The following SNTB1 variants were observed in gnomAD, a reference collection of about 807,000 sequenced individuals.
The protein encoded by SNTB1 is beta-1-syntrophin.
In SNTB1, 36 loss-of-function variants were observed where a neutral mutation model predicts 48.9. The ratio of observed to expected loss-of-function variants is 0.74; its 90% CI spans 0.56 to 0.97. The LOEUF is 0.97. SNTB1 is among the 50% of genes least tolerant of loss of function. The pLI is 0.00. For synonymous variants in SNTB1, 299 were observed against 294.6 expected, an observed-to-expected ratio of 1.01 and a Z score of -0.15; for missense variants, 786 against 703.4, an observed-to-expected ratio of 1.12 and a Z score of -1.33.
At chr8:120,750,613 C>T (rs1819196917) in intron 1 of SNTB1, among the ~76,000 whole-genome samples, 1 of 152,082 alleles carries the variant, frequency 6.6e-6, no homozygotes, top group African/African-American at 2.4e-5. Context: ...GAGAAAGATG[C>T]TGCCGAAAAG....
At chr8:120,754,924 A>G (rs1045128620) in intron 1 of SNTB1, among the ~76,000 whole-genome samples, 1 of 152,208 alleles carries the variant, frequency 6.6e-6, no homozygotes, top group Non-Finnish European at 1.5e-5. Context: ...CAAGATTATG[A>G]GTCAGCAGGA....
At chr8:120,624,013 C>A (rs1407603577) in intron 3 of SNTB1, among the ~76,000 whole-genome samples, 11 of 152,210 alleles carry the variant, frequency 7.2e-5, no homozygotes, top group Admixed American at 7.2e-4. Flanking sequence ...TCTTGGCTCA[C>A]TGCAACCTCT....
At chr8:120,683,448 G>A (rs1817971939) in intron 2 of SNTB1, among the ~76,000 whole-genome samples, 1 of 151,950 alleles carries the variant, frequency 6.6e-6, no homozygotes, top group Non-Finnish European at 1.5e-5. Flanking sequence ...AGAAAGAAAA[G>A]GAAACTCCCA....
chr8:120,613,167 T>C (rs577904724), intron 3 of SNTB1, among the ~76,000 whole-genome samples: 78 of 152,120 alleles, frequency 5.1e-4, no homozygotes, highest in Middle Eastern at 3.4e-3. Context: ...CTGGCCAACA[T>C]GGTGAAACCC....
intron 2 of SNTB1, among the ~76,000 whole-genome samples, chr8:120,644,550 C>A (rs374425956): frequency 6.6e-6 from 1 of 152,068 alleles, no homozygotes; most frequent in Non-Finnish European, 1.5e-5. Context: ...ATTTTCTTAA[C>A]CCAGTCTATC....
chr8:120,646,774 G>A (rs1408768380), intron 2 of SNTB1, among the ~76,000 whole-genome samples: 2 of 152,098 alleles, frequency 1.3e-5, no homozygotes, highest in South Asian at 2.1e-4. Context: ...GGGAGAATTC[G>A]GCTGTGAATC....
Position 120,693,695 on chromosome 8 carries a change from T to A in SNTB1, c.785A>T (p.Asn262Ile). 6.2e-7 allele frequency: 1 copy of A among 1,613,910 alleles called. No individual in the cohort carries two copies. Among genetic ancestry groups the A allele is most frequent in the South Asian group, 1.1e-5 (1 of 91,060 alleles). Residue 262 changes from asparagine (N) to isoleucine (I), a missense_variant, in exon 2 of 7, where the codon AAC becomes ATC. Physicochemically the swap from Asn to Ile is moderately radical, Grantham distance 149. Transcript: ENST00000517992. The stretch of plus-strand genomic sequence containing the variant: ...GGAGAGTTTTGACCCTATTTACCTG[T>A]TCTCAGGGTCGGCCAAGGCCATACT... ...TRSMALADPE[N>I]RQLEIHSPDA... is the part of the protein sequence containing the mutation.
At chr8:120,767,096 T>C (rs1234079419) in intron 1 of SNTB1, among the ~76,000 whole-genome samples, 1 of 152,236 alleles carries the variant, frequency 6.6e-6, no homozygotes, top group African/African-American at 2.4e-5. Context: ...TTCCAGTCTT[T>C]ATTAATTTAT....
chr8:120,635,043 C>T (rs1029014430), intron 2 of SNTB1, among the ~76,000 whole-genome samples: 3 of 152,028 alleles, frequency 2.0e-5, no homozygotes, highest in East Asian at 1.9e-4. Flanking sequence ...TTAGTAGAGA[C>T]GGGGTTTCTC....
chr8:120,640,385 G>C (rs969578500), intron 2 of SNTB1, among the ~76,000 whole-genome samples: 6 of 152,136 alleles, frequency 3.9e-5, no homozygotes, highest in Non-Finnish European at 8.8e-5. Flanking sequence ...TCTCCTCCCT[G>C]ATTGCCCTGG....
chr8:120,700,934 G>C (rs574400002), intron 1 of SNTB1, among the ~76,000 whole-genome samples: 82 of 152,184 alleles, frequency 5.4e-4, no homozygotes, highest in African/African-American at 1.9e-3. Context: ...CCAGATTACA[G>C]GAAGGAAAAA....
chr8:120,699,418 G>T lies in SNTB1; in HGVS notation c.572-5510C>A, dbSNP rs1016501086. 3.3e-5 allele frequency among the ~76,000 whole-genome samples: 5 copies of T among 152,204 alleles called. No individual in the cohort carries two copies. In the Middle Eastern group the frequency reaches 0.01, roughly 311 times the overall value. On this transcript the variant is annotated intron_variant, in intron 1 of 6. Transcript: ENST00000517992. ...GTAATGAGTGAGTTCTCACCCAGTT[G>T]GTTCACTTGAGATCTGGTTGTTTAA... is the stretch of plus-strand genomic sequence containing the variant.
chr8:120,691,380 A>G (rs1359942407), intron 2 of SNTB1, among the ~76,000 whole-genome samples: 1 of 152,258 alleles, frequency 6.6e-6, no homozygotes, highest in Non-Finnish European at 1.5e-5. Flanking sequence ...CAGCTATATA[A>G]TGTTGAGAAC....
At chr8:120,735,133 G>A (rs1391851387) in intron 1 of SNTB1, among the ~76,000 whole-genome samples, 1 of 152,178 alleles carries the variant, frequency 6.6e-6, no homozygotes, top group African/African-American at 2.4e-5. Flanking sequence ...CAGCAGATGA[G>A]GCTATGGGCA....
intron 3 of SNTB1, among the ~76,000 whole-genome samples, chr8:120,602,722 T>C (rs1816440937): frequency 6.6e-6 from 1 of 152,110 alleles, no homozygotes; most frequent in Non-Finnish European, 1.5e-5. Flanking sequence ...AAACACAATC[T>C]AATATTTTCT....
At chr8:120,540,048 A>T (rs2130640737) in intron 6 of SNTB1, among the ~76,000 whole-genome samples, 1 of 152,356 alleles carries the variant, frequency 6.6e-6, no homozygotes, top group Non-Finnish European at 1.5e-5. Context: ...ACTAACACAG[A>T]AGGAAACTTT....
intron 1 of SNTB1, among the ~76,000 whole-genome samples, chr8:120,793,049 C>T (rs1339025030): frequency 1.3e-5 from 2 of 151,858 alleles, no homozygotes; most frequent in Non-Finnish European, 2.9e-5. Context: ...GGGCTCCATA[C>T]TAAGAGGTGC....
At chr8:120,693,204 C>T (rs1818156961) in intron 2 of SNTB1, among the ~76,000 whole-genome samples, 1 of 152,102 alleles carries the variant, frequency 6.6e-6, no homozygotes, top group Admixed American at 6.5e-5. Context: ...GGGTTCTGCC[C>T]CCATGACCCA....
At chr8:120,693,465 T>G (rs1818160497) in intron 2 of SNTB1, among the ~76,000 whole-genome samples, 1 of 152,248 alleles carries the variant, frequency 6.6e-6, no homozygotes, top group East Asian at 1.9e-4. Flanking sequence ...ATTCCAGTTC[T>G]TTAACTCTTT....
Sources: gnomAD v4.1 joint callset for allele counts (sites outside exome capture counted in the v4.1 genomes callset) on GRCh38, gnomAD v4.1.1 for gene constraint, MANE v1.5 for transcripts, NCBI Gene and HGNC (gene_info 2026-07-23, HGNC 2026-07-21) for gene names.